The following NXPE2 variants were observed in gnomAD, a reference collection of about 807,000 sequenced individuals.
NXPE2 encodes the protein NXPE family member 2.
A neutral mutation model predicts 34.4 loss-of-function variants in NXPE2; 34 were observed. That is an observed-to-expected ratio of 0.99 (90% CI 0.75 to 1.31). NXPE2 has a LOEUF of 1.31. Among genes scored for constraint, NXPE2 ranks in the 40% most tolerant of loss-of-function variants. The pLI is 0.00. For missense variants in NXPE2, 649 were observed against 672.5 expected (o/e 0.97, Z 0.39); for synonymous variants, 235 against 231.3 (o/e 1.02, Z -0.15).
At chr11:114,788,770 C>T in the NXPE2 span, among the ~76,000 whole-genome samples, 18 of 152,254 alleles carry the variant, frequency 1.2e-4, no homozygotes, top group East Asian at 3.5e-3. Context: ...TCTTTATCAC[C>T]CCTTCTTGTG....
the NXPE2 span, among the ~76,000 whole-genome samples, chr11:114,569,314 T>C: frequency 6.6e-6 from 1 of 152,204 alleles, no homozygotes; most frequent in African/African-American, 2.4e-5. Flanking sequence ...GAAGGCCTAT[T>C]AAAATGCAAA....
the NXPE2 span, among the ~76,000 whole-genome samples, chr11:114,540,160 T>C: frequency 6.6e-6 from 1 of 152,208 alleles, no homozygotes; most frequent in Non-Finnish European, 1.5e-5. Flanking sequence ...TTTCACCATG[T>C]TGGCCAGGCT....
the NXPE2 span, among the ~76,000 whole-genome samples, chr11:114,495,637 A>G: frequency 2.0e-5 from 3 of 152,064 alleles, no homozygotes; most frequent in Non-Finnish European, 4.4e-5. Flanking sequence ...TGCAGCCAGC[A>G]TGGCTCTGAG....
At chr11:114,695,830 A>AACACACACACACACACACACACACACAC (rs67132329) in intron 2 of NXPE2, among the ~76,000 whole-genome samples, 15 of 132,632 alleles carry the variant, frequency 1.1e-4, no homozygotes, top group East Asian at 2.2e-4. Context: ...GTCTCTACTA[A>AACACACACACACACACACACACACACAC]ACACACACAC....
the NXPE2 span, among the ~76,000 whole-genome samples, chr11:114,600,750 G>T: frequency 6.6e-6 from 1 of 151,970 alleles, no homozygotes; most frequent in Non-Finnish European, 1.5e-5. Flanking sequence ...AGTTACTAGT[G>T]TACCAATGTT....
At chr11:114,502,520 T>C in the NXPE2 span, among the ~76,000 whole-genome samples, 3 of 152,226 alleles carry the variant, frequency 2.0e-5, no homozygotes, top group Non-Finnish European at 4.4e-5. Context: ...TCTAAGATTA[T>C]GAGACTTTAT....
intron 3 of NXPE2, among the ~76,000 whole-genome samples, chr11:114,701,188 TGTCTTGAAG>T (rs1472479150): frequency 8.5e-5 from 13 of 152,214 alleles, no homozygotes; most frequent in Non-Finnish European, 1.8e-4. Flanking sequence ...AAGGTCTTCC[TGTCTTGAAG>T]GTCTCAGAAT....
At chr11:114,507,180 T>C in the NXPE2 span, among the ~76,000 whole-genome samples, 10 of 149,918 alleles carry the variant, frequency 6.7e-5, no homozygotes, top group Admixed American at 6.6e-4. Context: ...CAGGAAAAAA[T>C]TGAATCCCTG....
At chr11:114,628,903 A>G in the NXPE2 span, among the ~76,000 whole-genome samples, 69 of 152,188 alleles carry the variant, frequency 4.5e-4, no homozygotes, top group Non-Finnish European at 6.8e-4. Flanking sequence ...CCTCTATGCA[A>G]ATAAACTAGA....
chr11:114,515,482 A>G, the NXPE2 span, among the ~76,000 whole-genome samples: 1 of 152,230 alleles, frequency 6.6e-6, no homozygotes, highest in African/African-American at 2.4e-5. Context: ...TCAAACAGAA[A>G]AACATGTGTT....
chr11:114,464,862 AAAG>A, the NXPE2 span, among the ~76,000 whole-genome samples: 1 of 152,216 alleles, frequency 6.6e-6, no homozygotes, highest in Admixed American at 6.5e-5. Flanking sequence ...AAAAACGAAA[AAAG>A]AAATCCAATA....
chr11:114,540,129 C>T, the NXPE2 span, among the ~76,000 whole-genome samples: 5 of 152,072 alleles, frequency 3.3e-5, no homozygotes, highest in Non-Finnish European at 7.4e-5. Flanking sequence ...CTAATTTTTT[C>T]TATTTTTAGT....
chr11:114,475,411 T>G, the NXPE2 span, among the ~76,000 whole-genome samples: 1 of 151,828 alleles, frequency 6.6e-6, no homozygotes, highest in Admixed American at 6.6e-5. Flanking sequence ...GCCCACCTAA[T>G]TTTTGTATTT....
At chr11:114,653,758 G>A in the NXPE2 span, among the ~76,000 whole-genome samples, 2 of 151,916 alleles carry the variant, frequency 1.3e-5, no homozygotes, top group African/African-American at 4.8e-5. Flanking sequence ...TTGATCTCCT[G>A]ACCTCGTGAT....
At chr11:114,615,730 C>T in the NXPE2 span, among the ~76,000 whole-genome samples, 107 of 147,654 alleles carry the variant, frequency 7.2e-4, no homozygotes, top group Middle Eastern at 3.8e-3. Context: ...TATTGCCTCA[C>T]GGGTAACCGC....
the NXPE2 span, among the ~76,000 whole-genome samples, chr11:114,557,986 G>T: frequency 3.3e-4 from 50 of 151,782 alleles, no homozygotes; most frequent in African/African-American, 6.3e-4. Flanking sequence ...TTCCCTAACT[G>T]CCCTTTGTTC....
At chr11:114,650,424 C>A in the NXPE2 span, among the ~76,000 whole-genome samples, 1 of 152,238 alleles carries the variant, frequency 6.6e-6, no homozygotes, top group Non-Finnish European at 1.5e-5. Flanking sequence ...CAGAGAAGAC[C>A]AGGAGATTGA....
At chr11:114,680,860 A>G (rs866041590) in intron 2 of NXPE2, among the ~76,000 whole-genome samples, 1 of 152,164 alleles carries the variant, frequency 6.6e-6, no homozygotes, top group Non-Finnish European at 1.5e-5. Flanking sequence ...TATTCATTGG[A>G]TATCTCCATC....
chr11:114,528,388 C>T, the NXPE2 span, among the ~76,000 whole-genome samples: 2 of 152,136 alleles, frequency 1.3e-5, no homozygotes, highest in African/African-American at 4.8e-5. Flanking sequence ...CATCATGTAC[C>T]CAAGGAATCC....
Sources: gnomAD v4.1 joint callset for allele counts (sites outside exome capture counted in the v4.1 genomes callset) on GRCh38, gnomAD v4.1.1 for gene constraint, MANE v1.5 for transcripts, NCBI Gene and HGNC (gene_info 2026-07-23, HGNC 2026-07-21) for gene names.